SGIP1: variants seen among roughly 807,000 people sequenced by gnomAD.
SGIP1 encodes SH3-containing GRB2-like protein 3-interacting protein 1.
In SGIP1, 38 loss-of-function variants were observed where a neutral mutation model predicts 107.5. That is an observed-to-expected ratio of 0.35 (90% CI 0.27 to 0.46). The LOEUF (loss-of-function observed/expected upper bound fraction) is 0.46. Ranked by LOEUF, SGIP1 falls within the 20% of genes least tolerant of loss-of-function variation. SGIP1 has a pLI of 1.00. For synonymous variants in SGIP1, 365 were observed against 366.1 expected, an observed-to-expected ratio of 1.00 and a Z score of 0.03; for missense variants, 929 against 1,019.5, an observed-to-expected ratio of 0.91 and a Z score of 1.21.
At chr1:66,722,325 G>C (rs566363090) in intron 19 of SGIP1, among the ~76,000 whole-genome samples, 3 of 152,004 alleles carry the variant, frequency 2.0e-5, no homozygotes, top group Non-Finnish European at 2.9e-5. Context: ...TCCCCACCCC[G>C]TCAACATTTT....
rs753437276 is a variant in SGIP1, at chr1:66,642,852, G to A, written c.271G>A (p.Glu91Lys). The A allele has an allele frequency of 1.2e-5, 20 of 1,611,896 alleles. No individual in the cohort carries two copies. Among genetic ancestry groups the A allele is most frequent in the South Asian group, 2.2e-5 (2 of 90,654 alleles). ...LDEEGYSIRPEEPGSTKGKHF... is the reference protein window; with the variant it reads ...LDEEGYSIRPKEPGSTKGKHF... The stretch of plus-strand genomic sequence containing the variant: ...TGAAGAAGGCTACAGCATCAGACCC[G>A]AGGAACCCGGCTATATCCTTTCTTT... Residue 91 changes from glutamate to lysine, a missense_variant, in exon 6 of 25, where the codon GAG becomes AAG. By Grantham distance (56) the Glu-to-Lys change is moderately conservative. Coordinates refer to ENST00000371037, the MANE Select transcript of SGIP1 (RefSeq NM_032291.4).
intron 1 of SGIP1, among the ~76,000 whole-genome samples, chr1:66,587,094 A>AT (rs960734710): frequency 6.6e-6 from 1 of 151,876 alleles, no homozygotes; most frequent in African/African-American, 2.4e-5. Flanking sequence ...TTATCATGTC[A>AT]TTTTTTTCTG....
At chr1:66,680,547 A>G (rs960894215) in intron 14 of SGIP1, among the ~76,000 whole-genome samples, 16 of 152,238 alleles carry the variant, frequency 1.1e-4, no homozygotes, top group Admixed American at 7.2e-4. Context: ...CAACAAAAGC[A>G]AAAGCACGAT....
intron 18 of SGIP1, among the ~76,000 whole-genome samples, chr1:66,711,785 A>G (rs564611493): frequency 6.6e-6 from 1 of 152,214 alleles, no homozygotes; most frequent in East Asian, 1.9e-4. Flanking sequence ...CCTGCTGCCC[A>G]TGCTTCAGAT....
rs2058443415 is a variant in SGIP1 at position 66,558,102 on chromosome 1, CAG to C, written c.10+23737_10+23738del. ...TATTTAGTATGACTGGTTTTAATCA[CAG>C]AGTCTTATTCACCATGAAGCCGTTA... On this transcript the variant is annotated intron_variant, in intron 1 of 24. Transcript: ENST00000371037. Among the ~76,000 whole-genome samples, 3 of 152,190 alleles carry C rather than the reference CAG, an allele frequency of 2.0e-5. No individual in the cohort carries two copies. In the South Asian group the frequency reaches 6.2e-4, roughly 32 times the overall value.
chr1:66,727,899 A>G (rs1288416235), intron 19 of SGIP1, among the ~76,000 whole-genome samples: 3 of 63,416 alleles, frequency 4.7e-5, no homozygotes, highest in African/African-American at 1.7e-4. Flanking sequence ...AAGGGATTGC[A>G]AAAAAGCATA....
At chr1:66,710,723 A>T (rs1345217908) in intron 18 of SGIP1, among the ~76,000 whole-genome samples, 2 of 152,178 alleles carry the variant, frequency 1.3e-5, no homozygotes, top group Non-Finnish European at 2.9e-5. Flanking sequence ...CAGTCTTAGG[A>T]AGGATATAGG....
intron 1 of SGIP1, among the ~76,000 whole-genome samples, chr1:66,550,289 T>C (rs1856317): frequency 0.31 from 47,566 of 151,984 alleles, 8,592 homozygotes; most frequent in East Asian, 0.8. Flanking sequence ...ACTCTTGATT[T>C]TCCTAGCAGA....
At chr1:66,600,680 C>G (rs1247683391) in intron 1 of SGIP1, among the ~76,000 whole-genome samples, 1 of 152,100 alleles carries the variant, frequency 6.6e-6, no homozygotes, top group Non-Finnish European at 1.5e-5. Context: ...TATGAAGTGT[C>G]AGAGAGAGAG....
At chr1:66,536,844 G>A (rs2053733195) in intron 1 of SGIP1, among the ~76,000 whole-genome samples, 1 of 152,168 alleles carries the variant, frequency 6.6e-6, no homozygotes, top group African/African-American at 2.4e-5. Context: ...TCGTGTGGCT[G>A]TACATTTCTA....
intron 20 of SGIP1, 89 bp downstream of exon 20, chr1:66,729,508 G>T: frequency 6.8e-7 from 1 of 1,472,154 alleles, no homozygotes; most frequent in Non-Finnish European, 9.3e-7. Context: ...CAACAGGGTC[G>T]CACTATAGTG....
chr1:66,585,608 G>A (rs1164613502), intron 1 of SGIP1, among the ~76,000 whole-genome samples: 2 of 143,154 alleles, frequency 1.4e-5, no homozygotes, highest in African/African-American at 2.9e-5. Flanking sequence ...TTTTGTTTTT[G>A]TTTTTTGTTA....
intron 7 of SGIP1, chr1:66,660,096 G>GGAA (rs1277596583): frequency 9.4e-6 from 1 of 106,098 alleles, no homozygotes; most frequent in African/African-American, 7.1e-5. Flanking sequence ...AGGGAAGGAA[G>GGAA]GAAGGAAGAA....
intron 1 of SGIP1, among the ~76,000 whole-genome samples, chr1:66,605,797 A>C (rs2149082833): frequency 6.6e-6 from 1 of 152,270 alleles, no homozygotes; most frequent in South Asian, 2.1e-4. Flanking sequence ...TTATTGCTCA[A>C]TACCACTGAT....
At chr1:66,690,443 T>C (rs2089565896) in intron 17 of SGIP1, 127 bp downstream of exon 17, 1 of 1,331,134 alleles carries the variant, frequency 7.5e-7, no homozygotes, top group South Asian at 1.4e-5. Flanking sequence ...TACTATTACC[T>C]GACTCTTCTT....
chr1:66,652,785 C>T (rs530668239), intron 7 of SGIP1, among the ~76,000 whole-genome samples: 1 of 152,106 alleles, frequency 6.6e-6, no homozygotes, highest in Non-Finnish European at 1.5e-5. Flanking sequence ...GAGGTGAGCT[C>T]CAGTCTCCTA....
At chr1:66,592,211 A>T (rs954143095) in intron 1 of SGIP1, among the ~76,000 whole-genome samples, 3 of 152,002 alleles carry the variant, frequency 2.0e-5, no homozygotes, top group Non-Finnish European at 4.4e-5. Flanking sequence ...CATGGGGGAA[A>T]CCTTGGACAA....
chr1:66,683,670 T>G (rs960516917), intron 15 of SGIP1, among the ~76,000 whole-genome samples: 2 of 149,720 alleles, frequency 1.3e-5, no homozygotes, highest in East Asian at 4.0e-4. Flanking sequence ...TTTCTTATCC[T>G]GGGCACCACA....
In SGIP1 at chr1:66,688,999, A is replaced by G. The variant is rs1305914328; in HGVS notation, c.1316-149A>G. ...ATTTTTTTTCTTTATTAAGAAAAAA[A>G]AGAGAAAAAAGAAAGTGCTACAGTG... On this transcript the variant is annotated intron_variant, in intron 15 of 24. Transcript: ENST00000371037. The G allele has an allele frequency of 1.1e-5, 9 of 830,282 alleles. No individual in the cohort carries two copies. The African/African-American group carries it at 1.6e-4, about 15-fold the overall frequency. The allele number at this position is 830,282 out of a possible 1,614,324, so 51.4% of individuals were successfully genotyped here.
Sources: allele counts gnomAD v4.1 joint callset (sites outside exome capture counted in the v4.1 genomes callset), GRCh38; gene constraint gnomAD v4.1.1; transcripts MANE v1.5; gene names NCBI Gene and HGNC (gene_info 2026-07-23, HGNC 2026-07-21).